The following RAB5A variants were observed in gnomAD, a reference collection of about 807,000 sequenced individuals.
The protein encoded by RAB5A is ras-related protein Rab-5A.
Under a neutral mutation model 25.7 loss-of-function variants are expected in RAB5A, and 8 were observed. The observed-to-expected ratio is 0.31, with a 90% CI of 0.18 to 0.56. The LOEUF (loss-of-function observed/expected upper bound fraction) is 0.56. Ranked by LOEUF, RAB5A falls within the 20% of genes least tolerant of loss-of-function variation. The probability of loss-of-function intolerance (pLI) is 0.91; values close to 1 mark genes in which losing one functional copy is unlikely to be tolerated. For synonymous variants in RAB5A, 98 were observed against 89.8 expected (o/e 1.09, Z -0.52); for missense variants, 192 against 259.7 (o/e 0.74, Z 1.79).
chr3:19,969,025 GT>G (rs1379261656), intron 2 of RAB5A, among the ~76,000 whole-genome samples: 1 of 105,626 alleles, frequency 9.5e-6, no homozygotes, highest in Non-Finnish European at 2.1e-5. Flanking sequence ...GTGTTTTTTG[GT>G]TTTGGTTTTT....
chr3:19,965,954 C>T (rs896740794), intron 2 of RAB5A, among the ~76,000 whole-genome samples: 2 of 152,122 alleles, frequency 1.3e-5, no homozygotes, highest in Non-Finnish European at 2.9e-5. Flanking sequence ...TCTCGAACTC[C>T]CGGGCTCAAG....
intron 2 of RAB5A, among the ~76,000 whole-genome samples, chr3:19,971,502 A>G (rs6797890): frequency 0.38 from 57,132 of 151,388 alleles, 11,377 homozygotes; most frequent in African/African-American, 0.52. Context: ...ACAGAGTTAC[A>G]CTCTTGTTGC....
intron 2 of RAB5A, among the ~76,000 whole-genome samples, chr3:19,967,786 A>C: frequency 6.6e-6 from 1 of 150,518 alleles, no homozygotes. Flanking sequence ...TTTATTTCTT[A>C]CTCTTCCTCA....
intron 2 of RAB5A, among the ~76,000 whole-genome samples, chr3:19,962,893 G>A (rs1434335055): frequency 6.6e-6 from 1 of 151,972 alleles, no homozygotes; most frequent in African/African-American, 2.4e-5. Context: ...GCTCACTGCA[G>A]CCTTGAACTC....
At chr3:19,951,719 T>TTTTTTTTTTTTA (rs1553638043) in intron 2 of RAB5A, among the ~76,000 whole-genome samples, 1 of 147,638 alleles carries the variant, frequency 6.8e-6, no homozygotes, top group Non-Finnish European at 1.5e-5. Flanking sequence ...TTTTTTTTTT[T>TTTTTTTTTTTTA]AAGAGTCAGA....
chr3:19,963,633 C>T (rs1282861083), intron 2 of RAB5A, among the ~76,000 whole-genome samples: 1 of 151,980 alleles, frequency 6.6e-6, no homozygotes, highest in Non-Finnish European at 1.5e-5. Flanking sequence ...GTAAAATTCT[C>T]AGATATCAGA....
chr3:19,958,642 G>A (rs574833810), intron 2 of RAB5A, among the ~76,000 whole-genome samples: 2 of 152,262 alleles, frequency 1.3e-5, no homozygotes, highest in South Asian at 2.1e-4. Context: ...TCAGGAGTTC[G>A]AAACCAGCCT....
intron 2 of RAB5A, among the ~76,000 whole-genome samples, chr3:19,952,171 C>A (rs1207765766): frequency 6.6e-6 from 1 of 152,076 alleles, no homozygotes; most frequent in African/African-American, 2.4e-5. Flanking sequence ...ATAATGAGAA[C>A]CCATCTCTTA....
chr3:19,951,125 T>C (rs1696416674), intron 2 of RAB5A, 64 bp downstream of exon 2: 3 of 1,551,686 alleles, frequency 1.9e-6, no homozygotes, highest in Non-Finnish European at 2.6e-6. Flanking sequence ...AATATTTTGA[T>C]GTTCCAATTG....
At chr3:19,964,567 T>C (rs1227951702) in intron 2 of RAB5A, among the ~76,000 whole-genome samples, 1 of 152,236 alleles carries the variant, frequency 6.6e-6, no homozygotes, top group East Asian at 1.9e-4. Flanking sequence ...CAGTTTATTC[T>C]AGGGAGATCA....
At position 19,979,512 on chromosome 3, in the gene RAB5A, C is replaced by T. The variant is rs566989037; in HGVS notation, c.532+1109C>T. Among the ~76,000 whole-genome samples the T allele has an allele frequency of 1.1e-3, 164 of 151,908 alleles. 1 individual carries two copies. The highest frequency in any genetic ancestry group is 0.01 in the Middle Eastern group (3 of 294). On this transcript the variant is annotated intron_variant, in intron 5 of 5. Coordinates refer to ENST00000273047, the MANE Select transcript of RAB5A (RefSeq NM_004162.5). The stretch of plus-strand genomic sequence containing the variant: ...ATGTTAGCCAGGATGGTCTCAATCT[C>T]CTGACCTTGTGATCCGCCCACGTCA...
intron 1 of RAB5A, 34 bp from the exon 2 acceptor site, chr3:19,950,772 T>A (rs1240922907): frequency 1.1e-6 from 1 of 936,364 alleles, no homozygotes. Flanking sequence ...GCTTTACTGA[T>A]TTGTATATTT....
At chr3:19,951,704 T>TTTTTTTTTTTG (rs1696426610) in intron 2 of RAB5A, among the ~76,000 whole-genome samples, 2 of 143,226 alleles carry the variant, frequency 1.4e-5, no homozygotes, top group South Asian at 2.2e-4. Flanking sequence ...CAGGCAAGTT[T>TTTTTTTTTTTG]TTTTTTTTTT....
In RAB5A at chr3:19,976,656, G is replaced by T. The variant is rs140756973; in HGVS notation, c.438+487G>T. Among the ~76,000 whole-genome samples the T allele has an allele frequency of 2.3e-3, 357 of 152,274 alleles. 2 individuals are homozygous for T. Among genetic ancestry groups the T allele is most frequent in the East Asian group, 0.021 (110 of 5,186 alleles). The stretch of plus-strand genomic sequence containing the variant: ...GCCAAGATCACACTATTGCACTCCA[G>T]CCTGGGCAACAAGAGCAAAACTCCG... On this transcript the variant is annotated intron_variant, in intron 4 of 5. Transcript: ENST00000273047.
chr3:19,983,602 T>G (rs1295826615), intron 5 of RAB5A, 106 bp from the exon 6 acceptor site: 2 of 747,532 alleles, frequency 2.7e-6, no homozygotes, highest in Non-Finnish European at 4.7e-6. Context: ...GGTTATATGA[T>G]ACTTTGGGGG....
chr3:19,978,456 G>A, intron 5 of RAB5A, 53 bp downstream of exon 5: 1 of 1,382,632 alleles, frequency 7.2e-7, no homozygotes, highest in Non-Finnish European at 1.0e-6. Context: ...CAAGTGTGAA[G>A]CATATTTGGT....
At chr3:19,961,905 G>C (rs1696590995) in intron 2 of RAB5A, among the ~76,000 whole-genome samples, 1 of 152,100 alleles carries the variant, frequency 6.6e-6, no homozygotes, top group South Asian at 2.1e-4. Context: ...ATCTATTGCT[G>C]AGACACAAAT....
chr3:19,964,386 A>G (rs181903328), intron 2 of RAB5A, among the ~76,000 whole-genome samples: 3 of 152,020 alleles, frequency 2.0e-5, no homozygotes, highest in South Asian at 2.1e-4. Flanking sequence ...TCATTTTTTT[A>G]AAAATACCCT....
At chr3:19,983,345 CAA>C (rs34872300) in intron 5 of RAB5A, among the ~76,000 whole-genome samples, 5 of 92,108 alleles carry the variant, frequency 5.4e-5, no homozygotes, top group Non-Finnish European at 6.3e-5. Context: ...GACTACATCT[CAA>C]AAAAAAAAAA....
Sources: allele counts gnomAD v4.1 joint callset (sites outside exome capture counted in the v4.1 genomes callset), GRCh38; gene constraint gnomAD v4.1.1; transcripts MANE v1.5; gene names NCBI Gene and HGNC (gene_info 2026-07-23, HGNC 2026-07-21).